The following TBC1D9 variants were observed in gnomAD, a reference collection of about 807,000 sequenced individuals.
TBC1D9 encodes the protein TBC1 domain family member 9, also known as TBC1 domain family member 9A.
Under a neutral mutation model 132.0 loss-of-function variants are expected in TBC1D9, and 63 were observed. That is an observed-to-expected ratio of 0.48 (90% CI 0.39 to 0.59). The LOEUF is 0.59. Among genes scored for constraint, TBC1D9 ranks in the 20% least tolerant of loss-of-function variants. The pLI is 0.00. For missense variants in TBC1D9, 1,261 were observed against 1,592.7 expected (o/e 0.79, Z 3.54); for synonymous variants, 610 against 609.9 (o/e 1.00, Z 0.00).
intron 17 of TBC1D9, 133 bp from the exon 18 acceptor site, chr4:140,627,660 T>C (rs1736730006): frequency 1.6e-6 from 1 of 631,526 alleles, no homozygotes; most frequent in African/African-American, 1.8e-5. Context: ...GGGCCTTGAG[T>C]GCCTACTGTC....
intron 13 of TBC1D9, chr4:140,643,423 C>A: frequency 2.2e-6 from 2 of 924,882 alleles, no homozygotes; most frequent in Non-Finnish European, 1.7e-6. Flanking sequence ...AGTGGGTCTT[C>A]CAGGCCGGGC....
intron 2 of TBC1D9, among the ~76,000 whole-genome samples, chr4:140,688,230 G>A (rs1402432247): frequency 6.6e-6 from 1 of 152,194 alleles, no homozygotes; most frequent in African/African-American, 2.4e-5. Flanking sequence ...AAAGCAGTGG[G>A]ATAACTGTCC....
Position 140,683,011 on chromosome 4 carries a change from C to T in TBC1D9, c.361-3168G>A, listed in dbSNP as rs551347088. Among the ~76,000 whole-genome samples the T allele has an allele frequency of 1.2e-4, 19 of 152,158 alleles. 1 individual carries two copies. The South Asian group carries it at 2.9e-3, about 23-fold the overall frequency. On this transcript the variant is annotated intron_variant, in intron 3 of 20. Transcript: ENST00000442267. ...AAGTGATTCTCCTGCCTCAGCTTCC[C>T]GAGTAGCTGGGATTACAGGCATGCA... is the stretch of plus-strand genomic sequence containing the variant.
Position 140,749,253 on chromosome 4 carries a change from G to T in TBC1D9, c.130+6663C>A, listed in dbSNP as rs190718126. On this transcript the variant is annotated intron_variant, in intron 1 of 20. Coordinates refer to ENST00000442267, the MANE Select transcript of TBC1D9 (RefSeq NM_015130.3). ...AAAAGTACTGGTTAATAATATAATT[G>T]GATGAGTCAAAAATGCATTTGTATT... Among the ~76,000 whole-genome samples, 313 of 151,520 alleles carry T rather than the reference G, an allele frequency of 2.1e-3. 1 individual carries two copies. Among genetic ancestry groups the T allele is most frequent in the African/African-American group, 6.5e-3 (270 of 41,334 alleles).
intron 2 of TBC1D9, among the ~76,000 whole-genome samples, chr4:140,694,519 C>T (rs1396542103): frequency 4.1e-5 from 6 of 147,674 alleles, no homozygotes; most frequent in African/African-American, 1.0e-4. Flanking sequence ...TGCAGTAGGC[C>T]GAGATCGTGC....
At chr4:140,679,572 G>T in intron 4 of TBC1D9, 43 bp downstream of exon 4, 1 of 1,468,760 alleles carries the variant, frequency 6.8e-7, no homozygotes, top group South Asian at 1.2e-5. Context: ...GCAAACCTCA[G>T]TAGACTTTCC....
intron 2 of TBC1D9, among the ~76,000 whole-genome samples, chr4:140,694,715 T>C (rs1442089405): frequency 2.0e-5 from 3 of 149,434 alleles, no homozygotes; most frequent in Non-Finnish European, 3.0e-5. Context: ...TGTAAATATA[T>C]AGTATACACA....
In TBC1D9 at chr4:140,624,391, A is replaced by G. The variant is rs910488811; in HGVS notation, c.2900-3T>C. On this transcript the variant is annotated splice_polypyrimidine_tract_variant and splice_region_variant and intron_variant, in intron 18 of 20. Coordinates refer to ENST00000442267, the MANE Select transcript of TBC1D9 (RefSeq NM_015130.3). ...GCTTCTGCTATCCAATCCAACAACT[A>G]CCAAGAAATGGTTCAGAAGAAAAAA... 18 of 1,611,392 alleles carry G rather than the reference A, an allele frequency of 1.1e-5. No individual in the cohort carries two copies. The highest frequency in any genetic ancestry group is 1.4e-5 in the Non-Finnish European group (17 of 1,179,022).
intron 9 of TBC1D9, among the ~76,000 whole-genome samples, chr4:140,665,671 T>C (rs1447278007): frequency 6.6e-6 from 1 of 152,174 alleles, no homozygotes; most frequent in Non-Finnish European, 1.5e-5. Context: ...ATTTTCTAAA[T>C]TTTAAATCTA....
chr4:140,637,649 T>G (rs553820498), intron 15 of TBC1D9, among the ~76,000 whole-genome samples: 8 of 152,328 alleles, frequency 5.3e-5, no homozygotes, highest in Non-Finnish European at 1.2e-4. Flanking sequence ...CTTACGGATC[T>G]CCAACTTACA....
chr4:140,751,284 A>C (rs944482085), intron 1 of TBC1D9, among the ~76,000 whole-genome samples: 1 of 152,228 alleles, frequency 6.6e-6, no homozygotes, highest in African/African-American at 2.4e-5. Flanking sequence ...ACCCACACAC[A>C]TACGGGTACT....
intron 1 of TBC1D9, among the ~76,000 whole-genome samples, chr4:140,721,975 A>T (rs538534989): frequency 6.6e-6 from 1 of 152,172 alleles, no homozygotes; most frequent in South Asian, 2.1e-4. Flanking sequence ...GCCTCAGTGG[A>T]TCTACATACC....
At chr4:140,624,025 G>T in intron 20 of TBC1D9, 91 bp downstream of exon 20, 3 of 980,380 alleles carry the variant, frequency 3.1e-6, no homozygotes, top group Non-Finnish European at 4.5e-6. Flanking sequence ...ATTTTTGATG[G>T]GTATTGAGTC....
At chr4:140,648,760 A>G (rs993870952) in intron 13 of TBC1D9, among the ~76,000 whole-genome samples, 3 of 152,162 alleles carry the variant, frequency 2.0e-5, no homozygotes, top group Admixed American at 1.3e-4. Flanking sequence ...CCAACCAACA[A>G]ATAGGTGTGT....
chr4:140,680,408 G>A (rs554705739), intron 3 of TBC1D9, among the ~76,000 whole-genome samples: 3 of 152,286 alleles, frequency 2.0e-5, no homozygotes, highest in African/African-American at 4.8e-5. Flanking sequence ...TTTTTGGACA[G>A]TTAGACAGGA....
chr4:140,648,584 C>G (rs1737139830), intron 13 of TBC1D9, among the ~76,000 whole-genome samples: 1 of 151,986 alleles, frequency 6.6e-6, no homozygotes, highest in African/African-American at 2.4e-5. Context: ...TGGAGTCTCC[C>G]TATGTTGCCC....
chr4:140,750,700 GT>G (rs1738911376), intron 1 of TBC1D9, among the ~76,000 whole-genome samples: 3 of 151,436 alleles, frequency 2.0e-5, no homozygotes. Context: ...TACTATAAAG[GT>G]AAAAATTTTG....
intron 1 of TBC1D9, among the ~76,000 whole-genome samples, chr4:140,748,288 T>A (rs1396923028): frequency 6.6e-6 from 1 of 152,146 alleles, no homozygotes; most frequent in Non-Finnish European, 1.5e-5. Flanking sequence ...GAGATAGTTA[T>A]TAACTTGGAA....
chr4:140,656,999 C>T, intron 13 of TBC1D9, 98 bp downstream of exon 13: 1 of 1,389,798 alleles, frequency 7.2e-7, no homozygotes, highest in Admixed American at 2.1e-5. Flanking sequence ...CTGTTCTTTG[C>T]CCAGTCTGTG....
Sources: gnomAD v4.1 joint callset for allele counts (sites outside exome capture counted in the v4.1 genomes callset) on GRCh38, gnomAD v4.1.1 for gene constraint, MANE v1.5 for transcripts, NCBI Gene and HGNC (gene_info 2026-07-23, HGNC 2026-07-21) for gene names.